Variants in ATF7IP2 observed in about 807,000 individuals in gnomAD.
ATF7IP2 encodes the protein activating transcription factor 7-interacting protein 2.
In ATF7IP2, 42 loss-of-function variants were observed where a neutral mutation model predicts 64.2. The observed-to-expected ratio is 0.65, with a 90% CI of 0.51 to 0.85. The LOEUF (loss-of-function observed/expected upper bound fraction) is 0.85. Among genes scored for constraint, ATF7IP2 ranks in the 40% least tolerant of loss-of-function variants. The pLI, the probability that ATF7IP2 is intolerant of heterozygous loss-of-function variation, is 0.00. For synonymous variants in ATF7IP2, 308 were observed against 272.8 expected (o/e 1.13, Z -1.27); for missense variants, 933 against 784.2 (o/e 1.19, Z -2.27).
chr16:10,467,175 TGGTTACC>T lies in ATF7IP2; in HGVS notation c.1353-4934_1353-4928del, dbSNP rs1374371602. Among the ~76,000 whole-genome samples the T allele has an allele frequency of 1.3e-4, 20 of 152,324 alleles. No individual in the cohort carries two copies. The South Asian group carries it at 2.1e-3, about 16-fold the overall frequency. On this transcript the variant is annotated intron_variant, in intron 9 of 13. Transcript: ENST00000562102. ...CTGGTCTCTAAGACATAGCCTACCA[TGGTTACC>T]ATCTGAAAGCTTAGACTGTTTGCCA... is the stretch of plus-strand genomic sequence containing the variant.
intron 6 of ATF7IP2, among the ~76,000 whole-genome samples, chr16:10,435,629 T>C (rs2048395887): frequency 6.6e-6 from 1 of 152,204 alleles, no homozygotes; most frequent in South Asian, 2.1e-4. Context: ...TAGTCAAAAA[T>C]GATCAAATTT....
chr16:10,444,568 C>T (rs1596533018), intron 8 of ATF7IP2, among the ~76,000 whole-genome samples: 1 of 151,914 alleles, frequency 6.6e-6, no homozygotes. Context: ...AGGGGCAGTT[C>T]GAATAGAAGA....
intron 3 of ATF7IP2, among the ~76,000 whole-genome samples, chr16:10,422,864 C>A (rs2048013358): frequency 1.3e-5 from 2 of 152,308 alleles, no homozygotes; most frequent in Non-Finnish European, 2.9e-5. Context: ...GCTCTGCTTT[C>A]CAGGGAACAG....
At chr16:10,469,200 C>A (rs1021302355) in intron 9 of ATF7IP2, among the ~76,000 whole-genome samples, 2 of 152,014 alleles carry the variant, frequency 1.3e-5, no homozygotes, top group Non-Finnish European at 2.9e-5. Context: ...TTGGACTTAG[C>A]AGACGACCTA....
intron 2 of ATF7IP2, among the ~76,000 whole-genome samples, chr16:10,416,559 G>C (rs569646216): frequency 6.6e-6 from 1 of 152,138 alleles, no homozygotes; most frequent in South Asian, 2.1e-4. Context: ...TTGGGAGGCC[G>C]AGGCAGGTGG....
At chr16:10,438,273 TA>T (rs1384193435) in intron 7 of ATF7IP2, 38 bp downstream of exon 7, 3 of 1,574,094 alleles carry the variant, frequency 1.9e-6, no homozygotes, top group African/African-American at 2.7e-5. Context: ...TTTAGGGGAG[TA>T]GGGGGTGTTG....
At chr16:10,469,190 T>C (rs894122874) in intron 9 of ATF7IP2, among the ~76,000 whole-genome samples, 1 of 152,014 alleles carries the variant, frequency 6.6e-6, no homozygotes, top group Non-Finnish European at 1.5e-5. Context: ...TAGAAATAAT[T>C]TGGACTTAGC....
chr16:10,456,393 C>T (rs1057377454), intron 8 of ATF7IP2, among the ~76,000 whole-genome samples: 1 of 152,144 alleles, frequency 6.6e-6, no homozygotes, highest in Admixed American at 6.5e-5. Context: ...GATCAAATGT[C>T]TCAGTATCCA....
chr16:10,476,016 T>A (rs1278330315), intron 12 of ATF7IP2, among the ~76,000 whole-genome samples: 1 of 152,226 alleles, frequency 6.6e-6, no homozygotes, highest in African/African-American at 2.4e-5. Flanking sequence ...CAAGGGCCAG[T>A]TGACTTACTG....
chr16:10,426,566 T>C (rs2048089976), intron 3 of ATF7IP2, among the ~76,000 whole-genome samples: 1 of 152,198 alleles, frequency 6.6e-6, no homozygotes, highest in African/African-American at 2.4e-5. Flanking sequence ...GAGCTGGCAC[T>C]CTGCATTCTT....
Position 10,436,195 on chromosome 16 carries a change from C to T in ATF7IP2, c.961-1906C>T, listed in dbSNP as rs187142560. Among the ~76,000 whole-genome samples, 385 of 152,204 alleles carry T rather than the reference C, an allele frequency of 2.5e-3. 1 individual carries two copies. The highest frequency in any genetic ancestry group is 8.6e-3 in the African/African-American group (359 of 41,528). On this transcript the variant is annotated intron_variant, in intron 6 of 13. Transcript: ENST00000562102. The stretch of plus-strand genomic sequence containing the variant: ...GGCCAACAATGGTGAAACCCTGTCT[C>T]GGCTAAAAATATAAAAATTAGCTGG...
chr16:10,432,931 C>T (rs987684221), intron 5 of ATF7IP2, among the ~76,000 whole-genome samples: 5 of 152,024 alleles, frequency 3.3e-5, no homozygotes, highest in African/African-American at 1.2e-4. Flanking sequence ...ACTTAAGTCA[C>T]TATAAATAGA....
At chr16:10,444,569 G>A (rs1428419638) in intron 8 of ATF7IP2, among the ~76,000 whole-genome samples, 3 of 152,138 alleles carry the variant, frequency 2.0e-5, no homozygotes, top group Non-Finnish European at 4.4e-5. Context: ...GGGGCAGTTC[G>A]AATAGAAGAT....
At chr16:10,412,013 T>TTTTTTTTTTTTTTTTTTTTTTTTTTTC (rs2047775752) in intron 1 of ATF7IP2, among the ~76,000 whole-genome samples, 1 of 138,258 alleles carries the variant, frequency 7.2e-6, no homozygotes, top group Non-Finnish European at 1.6e-5. Context: ...TTTTTTTGTT[T>TTTTTTTTTTTTTTTTTTTTTTTTTTTC]TTTTTTTTTT....
At position 10,464,824 on chromosome 16, in the gene ATF7IP2, CTGTTGTTGATGT is replaced by C. The variant is rs144240949; in HGVS notation, c.1353-7278_1353-7267del. Among the ~76,000 whole-genome samples the C allele has an allele frequency of 5.5e-3, 835 of 152,228 alleles. 6 individuals carry two copies. The highest frequency in any genetic ancestry group is 0.02 in the African/African-American group (811 of 41,548). Reference sequence around the variant, plus strand: ...CTCCCTACTCATTCTTTTGTTGCTGCTGTTGTTGATGTTGTTGTTTGGAAGACGGAGTTTCGC... The same window carrying C: ...CTCCCTACTCATTCTTTTGTTGCTGCTGTTGTTTGGAAGACGGAGTTTCGC... On this transcript the variant is annotated intron_variant, in intron 9 of 13. Transcript: ENST00000562102.
In ATF7IP2 at chr16:10,482,414, C is replaced by T; in HGVS notation, c.*165C>T. ...AAGTGGCCAGTAATTTAATGAATTT[C>T]TGGTTTGTATTAAATATGTCCTTCC... is the stretch of plus-strand genomic sequence containing the variant. On this transcript the variant is annotated 3_prime_UTR_variant, in exon 14 of 14. Coordinates refer to ENST00000562102, the MANE Select transcript of ATF7IP2 (RefSeq NM_001393719.1). The T allele has an allele frequency of 1.8e-6, 1 of 566,138 alleles. No homozygotes were observed. Among genetic ancestry groups the T allele is most frequent in the South Asian group, 2.4e-5 (1 of 41,008 alleles). 35.1% of individuals were successfully genotyped at this position (566,138 alleles called of 1,614,324 possible).
chr16:10,451,403 A>G (rs1423596467), intron 8 of ATF7IP2, among the ~76,000 whole-genome samples: 1 of 152,164 alleles, frequency 6.6e-6, no homozygotes, highest in African/African-American at 2.4e-5. Flanking sequence ...AATATCCTGA[A>G]GAGTGTTTTC....
intron 2 of ATF7IP2, 100 bp from the exon 3 acceptor site, chr16:10,419,481 T>C (rs560332949): frequency 4.2e-4 from 65 of 153,836 alleles, no homozygotes; most frequent in Admixed American, 9.7e-4. Context: ...TTGTTCTCTG[T>C]GTCAGCCCTT....
intron 6 of ATF7IP2, among the ~76,000 whole-genome samples, chr16:10,435,702 T>C (rs778024013): frequency 2.0e-5 from 3 of 152,212 alleles, no homozygotes; most frequent in Non-Finnish European, 4.4e-5. Flanking sequence ...CTTGAGCTAA[T>C]AGTTGAAGAC....
Sources: allele counts gnomAD v4.1 joint callset (sites outside exome capture counted in the v4.1 genomes callset), GRCh38; gene constraint gnomAD v4.1.1; transcripts MANE v1.5; gene names NCBI Gene and HGNC (gene_info 2026-07-23, HGNC 2026-07-21).